The following PNMA6E variants were observed in gnomAD, a reference collection of about 807,000 sequenced individuals.
PNMA6E encodes the protein paraneoplastic antigen Ma6E.
For missense variants in PNMA6E, 78 were observed against 50.8 expected, an observed-to-expected ratio of 1.53 and a Z score of -1.63; for synonymous variants, 43 against 17.1, an observed-to-expected ratio of 2.52 and a Z score of -3.74.
rs1556970111 is a variant in PNMA6E at position 153,395,987 on chromosome X, A to G, written c.*919T>C. 8.8e-6 allele frequency: 1 copy of G among 113,386 alleles called. No homozygotes were observed. The highest frequency in any genetic ancestry group is 2.8e-4 in the East Asian group (1 of 3,584). The allele number at this position is 113,386 out of a possible 1,213,427, so 9.3% of individuals were successfully genotyped here. ...CAGGGAACACCCCACCAGGCTGAAG[A>G]AACTGAGTCACAAGTAACAACAGGG... On this transcript the variant is annotated 3_prime_UTR_variant, in exon 2 of 2. Coordinates refer to ENST00000445091, the MANE Select transcript of PNMA6E (RefSeq NM_001367770.1).
At chrX:153,413,962 C>A in the PNMA6E span, among the ~76,000 whole-genome samples, 2 of 112,355 alleles carry the variant, frequency 1.8e-5, no homozygotes, top group South Asian at 7.4e-4. Flanking sequence ...GGCCTCCCGC[C>A]GATGGGGTGT....
chrX:153,398,092 GC>G lies in PNMA6E; in HGVS notation c.757del (p.Ala253GlnfsTer45). 1 of 427,589 alleles carries G rather than the reference GC, an allele frequency of 2.3e-6. No individual in the cohort carries two copies. The highest frequency in any genetic ancestry group is 4.0e-5 in the East Asian group (1 of 24,901). The allele number at this position is 427,589 out of a possible 1,213,427, so 35.2% of individuals were successfully genotyped here. A position where few individuals can be genotyped will look rare whatever the true frequency, so the allele number is the denominator to read the frequency against. ...CTCACCTGCTGCTCCTGCCTCACCTGCTGCTCTTCCCTCACCTGCGCCTCCT... is the reference window on the plus strand; with the variant it reads ...CTCACCTGCTGCTCCTGCCTCACCTGTGCTCTTCCCTCACCTGCGCCTCCT... ...EAGGAGEGRA[A>X]GEAGAAGEAG... On this transcript the variant is annotated frameshift_variant, in exon 2 of 2. Coordinates refer to ENST00000445091, the MANE Select transcript of PNMA6E (RefSeq NM_001367770.1). LOFTEE classifies it low-confidence loss of function (END_TRUNC).
Position 153,398,759 on chromosome X carries a change from T to G in PNMA6E, c.91A>C (p.Lys31Gln), listed in dbSNP as rs1556970866. ...LLILGIPDDCKEHEFQEAVRA... is the reference protein window; with the variant it reads ...LLILGIPDDCQEHEFQEAVRA... ...ACGGCCTCCTGGAACTCATGTTCCTTGCAGTCATCAGGGATACCCAGGATG... is the reference window on the plus strand; with the variant it reads ...ACGGCCTCCTGGAACTCATGTTCCTGGCAGTCATCAGGGATACCCAGGATG... Residue 31 changes from lysine to glutamine, a missense_variant, in exon 2 of 2, where the codon AAG (lysine) becomes CAG (glutamine). Transcript: ENST00000445091. The G allele has an allele frequency of 3.3e-6, 1 of 304,788 alleles. No homozygotes were observed. The highest frequency in any genetic ancestry group is 5.7e-6 in the Non-Finnish European group (1 of 174,914). 25.1% of individuals were successfully genotyped at this position (304,788 alleles called of 1,213,427 possible).
At chrX:153,410,389 GCCCAGAT>G in the PNMA6E span, among the ~76,000 whole-genome samples, 1 of 111,925 alleles carries the variant, frequency 8.9e-6, no homozygotes, top group South Asian at 3.8e-4. Flanking sequence ...CATCTCAACA[GCCCAGAT>G]CCCAGCCTGC....
chrX:153,413,265 T>G, the PNMA6E span, among the ~76,000 whole-genome samples: 318 of 105,185 alleles, frequency 3.0e-3, no homozygotes, highest in Non-Finnish European at 5.6e-3. Context: ...CTTTTTTCTT[T>G]TTCTGGGAAT....
rs2088815545 is a variant in PNMA6E, at chrX:153,397,336, A to T, written c.1514T>A (p.Val505Glu). ...CTCCACTGGGGCCGCTGCCCAGGCCACACCCTGCTGGCTCCTCGCTGGGAA... is the reference window on the plus strand; with the variant it reads ...CTCCACTGGGGCCGCTGCCCAGGCCTCACCCTGCTGGCTCCTCGCTGGGAA... ...AAFPARSQQG[V>E]AWAAAPVESE... Residue 505 changes from valine (V) to glutamate (E), a missense_variant, in exon 2 of 2, where the codon GTG becomes GAG. Val to Glu is a moderately radical substitution (Grantham distance 121). Coordinates refer to ENST00000445091, the MANE Select transcript of PNMA6E (RefSeq NM_001367770.1). 3.4e-6 allele frequency: 1 copy of T among 296,928 alleles called. No individual in the cohort carries two copies. Among genetic ancestry groups the T allele is most frequent in the Non-Finnish European group, 5.9e-6 (1 of 170,126 alleles). The allele number at this position is 296,928 out of a possible 1,213,427, so 24.5% of individuals were successfully genotyped here.
upstream of PNMA6E, among the ~76,000 whole-genome samples, chrX:153,404,451 T>G: frequency 9.0e-6 from 1 of 110,993 alleles, no homozygotes; most frequent in South Asian, 3.9e-4. Context: ...GCTTCTTGGT[T>G]TCTGTTATAT....
At chrX:153,401,414 A>G (rs1556971352), upstream of PNMA6E, 3 of 112,006 alleles carry the variant, frequency 2.7e-5, no homozygotes, top group Non-Finnish European at 3.8e-5. Flanking sequence ...GTTCTCCCGG[A>G]AGCCACAGGG....
the PNMA6E span, among the ~76,000 whole-genome samples, chrX:153,409,111 G>A: frequency 8.9e-6 from 1 of 112,922 alleles, no homozygotes; most frequent in East Asian, 2.8e-4. Flanking sequence ...CCACAGCTGT[G>A]GGAAAGCGCC....
the PNMA6E span, among the ~76,000 whole-genome samples, chrX:153,409,998 GCAGCAAATGAC>G: frequency 1.8e-5 from 2 of 112,138 alleles, no homozygotes; most frequent in Non-Finnish European, 3.8e-5. Context: ...CTGGGCTGCC[GCAGCAAATGAC>G]CACAAACCGC....
At chrX:153,399,040 G>A (rs782628492) in intron 1 of PNMA6E, 120 bp from the exon 2 acceptor site, 22 of 285,148 alleles carry the variant, frequency 7.7e-5, no homozygotes, top group African/African-American at 1.1e-4. Flanking sequence ...TTGTTTTGTC[G>A]CTTTGATTTT....
At chrX:153,411,401 C>T in the PNMA6E span, among the ~76,000 whole-genome samples, 13 of 109,085 alleles carry the variant, frequency 1.2e-4, no homozygotes, top group African/African-American at 4.3e-4. Flanking sequence ...GCCGCCATCC[C>T]TCTGCGCCGC....
upstream of PNMA6E, among the ~76,000 whole-genome samples, chrX:153,401,629 G>T (rs1428456596): frequency 1.8e-5 from 2 of 112,012 alleles, no homozygotes; most frequent in Non-Finnish European, 3.8e-5. Flanking sequence ...ACGAGGATCG[G>T]CGGAGTACAT....
chrX:153,406,225 A>T (rs2088876560), upstream of PNMA6E, among the ~76,000 whole-genome samples: 1 of 112,362 alleles, frequency 8.9e-6, no homozygotes, highest in Non-Finnish European at 1.9e-5. Flanking sequence ...ATTCGACGGC[A>T]TCGGCGGAGA....
the PNMA6E span, among the ~76,000 whole-genome samples, chrX:153,413,133 G>A: frequency 1.8e-5 from 2 of 110,973 alleles, no homozygotes; most frequent in Non-Finnish European, 3.8e-5. Flanking sequence ...CCCCCAGGAC[G>A]GAAGAAACCC....
upstream of PNMA6E, among the ~76,000 whole-genome samples, chrX:153,405,191 A>G (rs1445145201): frequency 8.9e-6 from 1 of 112,277 alleles, no homozygotes; most frequent in Non-Finnish European, 1.9e-5. Flanking sequence ...CACCAGGAGT[A>G]ATTTGTTATG....
At chrX:153,409,327 C>T in the PNMA6E span, among the ~76,000 whole-genome samples, 3 of 112,733 alleles carry the variant, frequency 2.7e-5, no homozygotes, top group Admixed American at 2.8e-4. Context: ...GTTTGCTGCC[C>T]GGGAGGCCCT....
At chrX:153,410,204 G>A in the PNMA6E span, among the ~76,000 whole-genome samples, 5 of 111,521 alleles carry the variant, frequency 4.5e-5, no homozygotes, top group Admixed American at 3.8e-4. Context: ...CTCTTCTAAG[G>A]AAACTGTCCT....
chrX:153,409,712 C>A, the PNMA6E span, among the ~76,000 whole-genome samples: 1 of 112,427 alleles, frequency 8.9e-6, no homozygotes, highest in Non-Finnish European at 1.9e-5. Flanking sequence ...GTGGGACCCG[C>A]AGCCCAGTGC....
Sources: allele counts gnomAD v4.1 joint callset (sites outside exome capture counted in the v4.1 genomes callset), GRCh38; gene constraint gnomAD v4.1.1; transcripts MANE v1.5; gene names NCBI Gene and HGNC (gene_info 2026-07-23, HGNC 2026-07-21).